The following GSG1L2 variants were observed in gnomAD, a reference collection of about 807,000 sequenced individuals.
GSG1L2 encodes the protein GSG1 like 2.
In GSG1L2, 15 loss-of-function variants were observed where a neutral mutation model predicts 9.0. The observed-to-expected ratio is 1.67, with a 90% CI of 1.12 to 2.57. The LOEUF is 2.57. Ranked by LOEUF, GSG1L2 falls within the 30% of genes most tolerant of loss-of-function variation. GSG1L2 has a pLI of 0.00. For missense variants in GSG1L2, 286 were observed against 150.3 expected, an observed-to-expected ratio of 1.90 and a Z score of -4.72; for synonymous variants, 127 against 57.9, an observed-to-expected ratio of 2.19 and a Z score of -5.41.
rs1380749340 is a variant in GSG1L2 at position 9,801,447 on chromosome 17, C to T, written c.*939G>A. 6.6e-6 allele frequency among the ~76,000 whole-genome samples: 1 copy of T among 152,032 alleles called. No homozygotes were observed. Among genetic ancestry groups the T allele is most frequent in the Non-Finnish European group, 1.5e-5 (1 of 68,008 alleles). ...GCCAGGCTGGTCTCGAACTCCTGAC[C>T]TCAAGTGATCTGTCTACCTCGGCCT... is the stretch of plus-strand genomic sequence containing the variant. On this transcript the variant is annotated 3_prime_UTR_variant, in exon 5 of 5. Coordinates refer to ENST00000399363, the MANE Select transcript of GSG1L2 (RefSeq NM_001310219.2).
rs1900814332 is a variant in GSG1L2 at position 9,802,277 on chromosome 17, T to C, written c.*109A>G. ...GATGTGGAGGGGTGGGGATGGAAGC[T>C]TTCCCTGGACAACAATCTCCTGAAG... is the stretch of plus-strand genomic sequence containing the variant. On this transcript the variant is annotated 3_prime_UTR_variant, in exon 5 of 5. Coordinates refer to ENST00000399363, the MANE Select transcript of GSG1L2 (RefSeq NM_001310219.2). 5.2e-6 allele frequency: 3 copies of C among 575,914 alleles called. No homozygotes were observed. Among genetic ancestry groups the C allele is most frequent in the South Asian group, 4.7e-5 (2 of 42,862 alleles). 35.7% of individuals were successfully genotyped at this position (575,914 alleles called of 1,614,324 possible). A position where few individuals can be genotyped will look rare whatever the true frequency, so the allele number is the denominator to read the frequency against.
rs1352625197 is a variant in GSG1L2 at position 9,820,834 on chromosome 17, T to G, written c.310+928A>C. Among the ~76,000 whole-genome samples, 1 of 151,916 alleles carries G rather than the reference T, an allele frequency of 6.6e-6. No individual in the cohort carries two copies. The highest frequency in any genetic ancestry group is 1.5e-5 in the Non-Finnish European group (1 of 67,976). On this transcript the variant is annotated intron_variant, in intron 1 of 4. Transcript: ENST00000399363. This position sits in a 1 kb window ranked among gnomAD's most constrained non-coding sequence, Gnocchi z 4.9. ...TCCAGCTAATTTTTTAAAAAAACCT[T>G]TTGTAAAGAGAGGTCTCACTATGTT...
At chr17:9,807,829 A>C (rs889440597) in intron 3 of GSG1L2, 1 of 474,746 alleles carries the variant, frequency 2.1e-6, no homozygotes, top group African/African-American at 2.0e-5. Flanking sequence ...CCTGGGTAGG[A>C]GTCTCCATGG....
At chr17:9,812,599 C>T (rs1436151941) in intron 1 of GSG1L2, among the ~76,000 whole-genome samples, 1 of 151,994 alleles carries the variant, frequency 6.6e-6, no homozygotes, top group Non-Finnish European at 1.5e-5. Flanking sequence ...TGGTGAGGGC[C>T]CTCTTCCAGG....
In GSG1L2 at chr17:9,822,039, G is replaced by A. The variant is rs1196077904; in HGVS notation, c.33C>T (p.Leu11=). 3.1e-5 allele frequency: 22 copies of A among 702,132 alleles called. No individual in the cohort carries two copies. The highest frequency in any genetic ancestry group is 5.7e-5 in the Non-Finnish European group (22 of 384,910). The allele number at this position is 702,132 out of a possible 1,614,324, so 43.5% of individuals were successfully genotyped here. Residue 11 remains leucine (L), a synonymous_variant, in exon 1 of 5, where the codon CTC becomes CTT. Transcript: ENST00000399363. ...TGAGGGCGAGGCAGACAGGGAGGAGGAGCAGCGCCTGCTGCTGCTTGGCCC... is the reference window on the plus strand; with the variant it reads ...TGAGGGCGAGGCAGACAGGGAGGAGAAGCAGCGCCTGCTGCTGCTTGGCCC... MDRAKQQQAL[L]LLPVCLALTF...
At chr17:9,818,945 T>C (rs2066578710) in intron 1 of GSG1L2, among the ~76,000 whole-genome samples, 1 of 152,186 alleles carries the variant, frequency 6.6e-6, no homozygotes, top group Non-Finnish European at 1.5e-5. Context: ...CTTACTCACC[T>C]TTCTCTCCTC....
chr17:9,818,324 GT>G (rs1265214381), intron 1 of GSG1L2, among the ~76,000 whole-genome samples: 1 of 151,674 alleles, frequency 6.6e-6, no homozygotes, highest in Non-Finnish European at 1.5e-5. Flanking sequence ...TCTTGTTTTA[GT>G]TTTAGTTTTG....
chr17:9,802,341 G>T lies in GSG1L2; in HGVS notation c.*45C>A. ...CAGGGTGTACATTGTGAGTGTCAGTGCCTGGCTTGTTTGCCTGTGCGGATG... is the reference window on the plus strand; with the variant it reads ...CAGGGTGTACATTGTGAGTGTCAGTTCCTGGCTTGTTTGCCTGTGCGGATG... On this transcript the variant is annotated 3_prime_UTR_variant, in exon 5 of 5. Transcript: ENST00000399363. 1.6e-6 allele frequency: 1 copy of T among 616,126 alleles called. No individual in the cohort carries two copies. The highest frequency in any genetic ancestry group is 2.7e-5 in the East Asian group (1 of 36,500). 38.2% of individuals were successfully genotyped at this position (616,126 alleles called of 1,614,324 possible).
At chr17:9,816,705 G>A (rs937727541) in intron 1 of GSG1L2, among the ~76,000 whole-genome samples, 6 of 149,740 alleles carry the variant, frequency 4.0e-5, no homozygotes, top group Non-Finnish European at 5.9e-5. Context: ...GTGTGCATGC[G>A]TGTCTGTGTG....
At chr17:9,814,136 A>T (rs904050456) in intron 1 of GSG1L2, among the ~76,000 whole-genome samples, 1 of 152,118 alleles carries the variant, frequency 6.6e-6, no homozygotes, top group Non-Finnish European at 1.5e-5. Context: ...GGGTTTCACC[A>T]TGTTGGCCAG....
rs866504522 is a variant in GSG1L2 at position 9,817,330 on chromosome 17, T to C, written c.310+4432A>G. ...TGATGAAGCAGCTCCCTCCCATTGGTCTAATTTTCCAACTCTGTCTTCAAG... is the reference window on the plus strand; with the variant it reads ...TGATGAAGCAGCTCCCTCCCATTGGCCTAATTTTCCAACTCTGTCTTCAAG... On this transcript the variant is annotated intron_variant, in intron 1 of 4. Transcript: ENST00000399363. Among the ~76,000 whole-genome samples the C allele has an allele frequency of 2.6e-5, 4 of 152,120 alleles. No homozygotes were observed. In the Middle Eastern group the frequency reaches 0.01, roughly 388 times the overall value.
chr17:9,805,913 G>A (rs2066514662), intron 4 of GSG1L2, among the ~76,000 whole-genome samples: 1 of 152,126 alleles, frequency 6.6e-6, no homozygotes, highest in Admixed American at 6.5e-5. Context: ...GAACATTTCT[G>A]ATGTACACGT....
At chr17:9,816,574 C>CTGTCTG (rs1555566354) in intron 1 of GSG1L2, among the ~76,000 whole-genome samples, 43 of 141,192 alleles carry the variant, frequency 3.0e-4, no homozygotes, top group African/African-American at 6.5e-4. Context: ...ATATCTGTGT[C>CTGTCTG]TGTGTGTGCA....
intron 2 of GSG1L2, 114 bp from the exon 3 acceptor site, chr17:9,809,096 G>A (rs1162027380): frequency 1.1e-5 from 7 of 638,618 alleles, no homozygotes; most frequent in East Asian, 2.7e-5. Flanking sequence ...CAGACACGCT[G>A]GAGTGAAAAT....
intron 1 of GSG1L2, among the ~76,000 whole-genome samples, chr17:9,814,485 C>G (rs2066551842): frequency 6.6e-6 from 1 of 152,004 alleles, no homozygotes; most frequent in Non-Finnish European, 1.5e-5. Context: ...GAGGCCAGCA[C>G]AGAGCCAGGG....
chr17:9,814,020 T>C (rs62066020), intron 1 of GSG1L2, among the ~76,000 whole-genome samples: 18,010 of 151,834 alleles, frequency 0.12, 1,316 homozygotes, highest in Middle Eastern at 0.18. Flanking sequence ...CTGCAACCTC[T>C]GCCTCCCGGG....
chr17:9,821,175 G>A (rs113321000), intron 1 of GSG1L2, among the ~76,000 whole-genome samples: 3,559 of 152,296 alleles, frequency 0.023, 126 homozygotes, highest in African/African-American at 0.079. Flanking sequence ...CAAGCAGAAA[G>A]GGAAGAGTAC....
At chr17:9,816,552 GTGTGTGCATGCATATCTGTGTC>G (rs2066563061) in intron 1 of GSG1L2, among the ~76,000 whole-genome samples, 20 of 135,276 alleles carry the variant, frequency 1.5e-4, no homozygotes, top group South Asian at 7.6e-4. Context: ...GCGTGTGTCT[GTGTGTGCATGCATATCTGTGTC>G]TGTGTGTGCA....
rs901101863 is a variant in GSG1L2 at position 9,801,509 on chromosome 17, C to A, written c.*877G>T. Among the ~76,000 whole-genome samples the A allele has an allele frequency of 6.6e-6, 1 of 152,196 alleles. No homozygotes were observed. Among genetic ancestry groups the A allele is most frequent in the Non-Finnish European group, 1.5e-5 (1 of 68,040 alleles). On this transcript the variant is annotated 3_prime_UTR_variant, in exon 5 of 5. Coordinates refer to ENST00000399363, the MANE Select transcript of GSG1L2 (RefSeq NM_001310219.2). The stretch of plus-strand genomic sequence containing the variant: ...GGGATTACAGGCGTGAGCCACTACA[C>A]CCACCCCCTTTCTTTTTTCAAAAAA...
Sources: allele counts gnomAD v4.1 joint callset (sites outside exome capture counted in the v4.1 genomes callset), GRCh38; gene constraint gnomAD v4.1.1; non-coding constraint Gnocchi (gnomAD v3.1); transcripts MANE v1.5; gene names NCBI Gene and HGNC (gene_info 2026-07-23, HGNC 2026-07-21).